Variants in EVL observed in about 807,000 individuals in gnomAD.
EVL encodes Enah/Vasp-like.
In EVL, 21 loss-of-function variants were observed where a neutral mutation model predicts 59.6. That is an observed-to-expected ratio of 0.35 (90% CI 0.25 to 0.51). The LOEUF is 0.51. Among genes scored for constraint, EVL ranks in the 20% least tolerant of loss-of-function variants. The pLI, the probability that EVL is intolerant of heterozygous loss-of-function variation, is 0.97. For missense variants in EVL, 462 were observed against 546.6 expected (o/e 0.85, Z 1.54); for synonymous variants, 198 against 203.5 (o/e 0.97, Z 0.23).
At chr14:99,988,692 A>G (rs917620433) in intron 1 of EVL, among the ~76,000 whole-genome samples, 1 of 152,260 alleles carries the variant, frequency 6.6e-6, no homozygotes, top group African/African-American at 2.4e-5. Context: ...ATGTTCACGA[A>G]TCGATGAATG....
intron 2 of EVL, among the ~76,000 whole-genome samples, chr14:100,095,794 C>A (rs1254695791): frequency 1.3e-5 from 2 of 152,230 alleles, no homozygotes; most frequent in Admixed American, 6.5e-5. Context: ...ATGGCGCAAT[C>A]TCGGCTCACT....
intron 1 of EVL, among the ~76,000 whole-genome samples, chr14:100,074,200 A>G (rs1383499627): frequency 2.0e-5 from 3 of 152,144 alleles, no homozygotes; most frequent in Non-Finnish European, 4.4e-5. Context: ...GCCTGAGGCA[A>G]TTCTCCAGGC....
chr14:99,993,444 G>A (rs1595548712), intron 1 of EVL, among the ~76,000 whole-genome samples: 2 of 152,102 alleles, frequency 1.3e-5, no homozygotes, highest in Admixed American at 1.3e-4. Flanking sequence ...ATATTGGTTT[G>A]TAGTTTTCTT....
At chr14:100,032,809 A>G (rs2061333340) in intron 1 of EVL, among the ~76,000 whole-genome samples, 1 of 152,100 alleles carries the variant, frequency 6.6e-6, no homozygotes, top group Admixed American at 6.5e-5. Context: ...AAACAATCTG[A>G]TATTTAATTT....
At chr14:100,066,944 G>C (rs189755888) in intron 1 of EVL, among the ~76,000 whole-genome samples, 1 of 152,332 alleles carries the variant, frequency 6.6e-6, no homozygotes, top group Non-Finnish European at 1.5e-5. Flanking sequence ...AGAAAAAACA[G>C]TCATTGTTGG....
At chr14:100,126,902 A>G in intron 5 of EVL, 131 bp downstream of exon 5, 1 of 762,406 alleles carries the variant, frequency 1.3e-6, no homozygotes, top group Non-Finnish European at 2.1e-6. Flanking sequence ...TCAAAGTGCA[A>G]CCACCACTTC....
rs116489376 is a variant in EVL at position 100,109,394 on chromosome 14, C to T, written c.358+11736C>T. The T allele has an allele frequency of 1.8e-3, 652 of 361,782 alleles. 4 individuals carry two copies. Among genetic ancestry groups the T allele is most frequent in the African/African-American group, 0.013 (612 of 46,956 alleles). 22.4% of individuals were successfully genotyped at this position (361,782 alleles called of 1,614,324 possible). A position where few individuals can be genotyped will look rare whatever the true frequency, so the allele number is the denominator to read the frequency against. On this transcript the variant is annotated intron_variant, in intron 3 of 13. Transcript: ENST00000392920. This position sits in a 1 kb window ranked among gnomAD's most constrained non-coding sequence, Gnocchi z 4.3. ...CAGGCACCCCTTCCCAGTCCTCGCACACTGTTGGTGTCCCATTTGTTTGGA... is the reference window on the plus strand; with the variant it reads ...CAGGCACCCCTTCCCAGTCCTCGCATACTGTTGGTGTCCCATTTGTTTGGA...
intron 11 of EVL, chr14:100,140,128 G>A (rs1889073016): frequency 6.6e-6 from 1 of 151,036 alleles, no homozygotes; most frequent in African/African-American, 2.4e-5. Context: ...GCACATGTCT[G>A]TAGTCCCAGC....
chr14:100,047,108 ATCTC>A (rs200568848), intron 1 of EVL, among the ~76,000 whole-genome samples: 2,149 of 24,736 alleles, frequency 0.087, 463 homozygotes, highest in Non-Finnish European at 0.14. Context: ...CCTTGGGCAG[ATCTC>A]TCTCTCTTTT....
intron 2 of EVL, among the ~76,000 whole-genome samples, chr14:100,090,097 A>C (rs2062532377): frequency 6.6e-6 from 1 of 152,234 alleles, no homozygotes; most frequent in South Asian, 2.1e-4. Context: ...GGAAGGAAAA[A>C]ATAAAAACTA....
rs749655767 is a variant in EVL at position 100,137,912 on chromosome 14, C to T, written c.1094+110C>T. ...TGTCTCACGTCCTGGCATTTAACAA[C>T]TTGCTCTGCGAAGGTGGTCTGTTCT... On this transcript the variant is annotated intron_variant, in intron 11 of 13. Coordinates refer to ENST00000392920, the MANE Select transcript of EVL (RefSeq NM_016337.3). 6.3e-6 allele frequency: 7 copies of T among 1,117,298 alleles called. No homozygotes were observed. In the African/African-American group the frequency reaches 1.1e-4, roughly 17 times the overall value. The allele number at this position is 1,117,298 out of a possible 1,614,324, so 69.2% of individuals were successfully genotyped here. A position where few individuals can be genotyped will look rare whatever the true frequency, so the allele number is the denominator to read the frequency against.
At chr14:100,082,815 G>C (rs1271486181) in intron 1 of EVL, among the ~76,000 whole-genome samples, 1 of 152,226 alleles carries the variant, frequency 6.6e-6, no homozygotes, top group African/African-American at 2.4e-5. Flanking sequence ...TTTGGGCCAG[G>C]CTGATAGGGT....
At chr14:99,991,782 C>T (rs2140178467) in intron 1 of EVL, among the ~76,000 whole-genome samples, 1 of 152,160 alleles carries the variant, frequency 6.6e-6, no homozygotes, top group East Asian at 1.9e-4. Flanking sequence ...ATAATACATA[C>T]ATGTAACTTA....
At chr14:100,009,456 G>C (rs910904647) in intron 1 of EVL, among the ~76,000 whole-genome samples, 2 of 152,108 alleles carry the variant, frequency 1.3e-5, no homozygotes, top group Admixed American at 1.3e-4. Context: ...TCCTTTCTTG[G>C]TTTCTTGAAA....
chr14:100,065,761 A>C (rs1234269674), intron 1 of EVL, among the ~76,000 whole-genome samples: 1 of 152,076 alleles, frequency 6.6e-6, no homozygotes, highest in Non-Finnish European at 1.5e-5. Flanking sequence ...ATGGCTTCTG[A>C]GTCAAGGACT....
intron 1 of EVL, among the ~76,000 whole-genome samples, chr14:100,067,593 G>A (rs1043808859): frequency 6.6e-6 from 1 of 152,186 alleles, no homozygotes; most frequent in East Asian, 1.9e-4. Context: ...ACAGGTGTGG[G>A]CCACCACACC....
At chr14:100,128,477 G>A in intron 5 of EVL, 42 bp from the exon 6 acceptor site, 1 of 1,607,900 alleles carries the variant, frequency 6.2e-7, no homozygotes. Flanking sequence ...TTGGCCCCCA[G>A]CTGGGTGCTG....
At chr14:100,012,663 G>A (rs1033926144) in intron 1 of EVL, among the ~76,000 whole-genome samples, 11 of 152,288 alleles carry the variant, frequency 7.2e-5, no homozygotes, top group African/African-American at 2.6e-4. Flanking sequence ...CAGGCCTGGG[G>A]AAAGAATGGT....
At chr14:100,141,280 T>C (rs760288891) in intron 12 of EVL, 34 bp downstream of exon 12, 1 of 1,610,192 alleles carries the variant, frequency 6.2e-7, no homozygotes, top group South Asian at 1.1e-5. Flanking sequence ...CTCAAGAGGC[T>C]GAGGGCAGCC....
Sources: gnomAD v4.1 joint callset for allele counts (sites outside exome capture counted in the v4.1 genomes callset) on GRCh38, gnomAD v4.1.1 for gene constraint, Gnocchi (gnomAD v3.1) non-coding constraint, MANE v1.5 for transcripts, NCBI Gene and HGNC (gene_info 2026-07-23, HGNC 2026-07-21) for gene names.